CRIM1: variants seen among roughly 807,000 people sequenced by gnomAD.
CRIM1 encodes cysteine-rich motor neuron 1 protein.
CRIM1 carries 32 observed loss-of-function variants against 116.4 expected under a neutral mutation model. The observed-to-expected ratio is 0.27, with a 90% CI of 0.21 to 0.37. The LOEUF (loss-of-function observed/expected upper bound fraction) is 0.37, where lower values mean the gene tolerates loss of function less well. CRIM1 is among the 10% of genes least tolerant of loss of function. CRIM1 has a pLI of 1.00. For synonymous variants in CRIM1, 590 were observed against 509.2 expected, an observed-to-expected ratio of 1.16 and a Z score of -2.13; for missense variants, 1,331 against 1,354.8, an observed-to-expected ratio of 0.98 and a Z score of 0.28.
chr2:36,453,939 C>T (rs926461159), intron 4 of CRIM1, among the ~76,000 whole-genome samples: 9 of 152,186 alleles, frequency 5.9e-5, no homozygotes, highest in African/African-American at 2.2e-4. Context: ...CAGCTTAAAA[C>T]ATTAACACTA....
chr2:36,379,747 T>C (rs1670591773), intron 1 of CRIM1, among the ~76,000 whole-genome samples: 1 of 148,420 alleles, frequency 6.7e-6, no homozygotes, highest in African/African-American at 2.5e-5. Flanking sequence ...TCTCTCTTTT[T>C]TTTTTTTTTT....
chr2:36,522,166 T>G lies in CRIM1; in HGVS notation c.2281T>G (p.Phe761Val), dbSNP rs1226328864. ...NYCKNDEGDI[F>V]LAAESWKPDV... ...CTGCAAAAATGATGAAGGGGATATA[T>G]TCCTGGCAGCTGAGTCCTGGAAGCC... is the stretch of plus-strand genomic sequence containing the variant. The change falls in exon 13 of 17, where the codon TTC (phenylalanine) becomes GTC (valine). Residue 761 changes from phenylalanine (F) to valine (V), a missense_variant. By Grantham distance (50) the Phe-to-Val change is conservative. Around this residue, in one of 3 missense-constraint regions of CRIM1, gnomAD observed 358 missense variants for 436.1 expected, o/e 0.82. Coordinates refer to ENST00000280527, the MANE Select transcript of CRIM1 (RefSeq NM_016441.3). 6.2e-7 allele frequency: 1 copy of G among 1,614,096 alleles called. No homozygotes were observed. Among genetic ancestry groups the G allele is most frequent in the East Asian group, 2.2e-5 (1 of 44,890 alleles).
chr2:36,547,995 C>T (rs888622953), intron 16 of CRIM1, among the ~76,000 whole-genome samples: 10 of 152,160 alleles, frequency 6.6e-5, no homozygotes, highest in African/African-American at 2.4e-4. Context: ...ATCCTGCCTC[C>T]GATTTTTCTT....
At chr2:36,499,424 C>G in intron 8 of CRIM1, 77 bp downstream of exon 8, 1 of 1,434,612 alleles carries the variant, frequency 7.0e-7, no homozygotes, top group Non-Finnish European at 9.6e-7. Context: ...AATTGAATAT[C>G]TTTTTCACTT....
At chr2:36,369,762 G>C (rs1281962849) in intron 1 of CRIM1, among the ~76,000 whole-genome samples, 1 of 152,210 alleles carries the variant, frequency 6.6e-6, no homozygotes, top group East Asian at 1.9e-4. Flanking sequence ...GATGTACTCA[G>C]GGTAGTGAAC....
chr2:36,449,619 A>C (rs1358193616), intron 4 of CRIM1, among the ~76,000 whole-genome samples: 1 of 152,130 alleles, frequency 6.6e-6, no homozygotes, highest in African/African-American at 2.4e-5. Context: ...AAAGGAGGGG[A>C]GGAAGGATTT....
chr2:36,500,618 A>G (rs7587212), intron 8 of CRIM1, among the ~76,000 whole-genome samples: 8,336 of 152,244 alleles, frequency 0.055, 738 homozygotes, highest in African/African-American at 0.19. Flanking sequence ...TTTGAATCTC[A>G]ATAATGTGAT....
chr2:36,389,303 A>C (rs1011523477), intron 1 of CRIM1, among the ~76,000 whole-genome samples: 3 of 152,132 alleles, frequency 2.0e-5, no homozygotes, highest in African/African-American at 7.3e-5. Flanking sequence ...CTCCTCGAGC[A>C]GAACGGAATG....
intron 1 of CRIM1, among the ~76,000 whole-genome samples, 166 bp from the exon 2 acceptor site, chr2:36,396,448 A>G (rs1050143400): frequency 6.6e-5 from 10 of 152,172 alleles, no homozygotes; most frequent in Admixed American, 3.9e-4. Context: ...GTTATTATGA[A>G]GAGATTGGGT....
At chr2:36,443,546 C>G (rs1676018365) in intron 4 of CRIM1, among the ~76,000 whole-genome samples, 1 of 152,172 alleles carries the variant, frequency 6.6e-6, no homozygotes, top group Non-Finnish European at 1.5e-5. Context: ...TCATGTTTTT[C>G]AGCTTTCGTT....
chr2:36,382,665 G>C (rs1023085799), intron 1 of CRIM1, among the ~76,000 whole-genome samples: 1 of 152,268 alleles, frequency 6.6e-6, no homozygotes, highest in Admixed American at 6.5e-5. Context: ...GTGAGGTCCA[G>C]TGTGATGCTC....
rs201258494 is a variant in CRIM1, at chr2:36,356,199, T to TGCG, written c.-81_-79dup. ...GGCGGTGAGGACCGCGGGCTGCTGG[T>TGCG]GCGGCGGCGGCGGCGCGTGTGCCCC... is the stretch of plus-strand genomic sequence containing the variant. On this transcript the variant is annotated 5_prime_UTR_variant, in exon 1 of 17. Coordinates refer to ENST00000280527, the MANE Select transcript of CRIM1 (RefSeq NM_016441.3). The surrounding 1 kb of genome is among the most constrained non-coding windows in gnomAD (Gnocchi z 4.3). 0.18 allele frequency: 84,481 copies of TGCG among 457,072 alleles called. 8,663 individuals carry two copies. Among genetic ancestry groups the TGCG allele is most frequent in the East Asian group, 0.33 (6,173 of 18,950 alleles). 28.3% of individuals were successfully genotyped at this position (457,072 alleles called of 1,614,324 possible).
chr2:36,410,998 G>C (rs549285144), intron 2 of CRIM1, among the ~76,000 whole-genome samples: 23 of 152,272 alleles, frequency 1.5e-4, no homozygotes, highest in Non-Finnish European at 2.6e-4. Flanking sequence ...ATTCTCAGTC[G>C]TGTCTGACGC....
chr2:36,532,803 C>T (rs1470653369), intron 13 of CRIM1, among the ~76,000 whole-genome samples: 1 of 152,132 alleles, frequency 6.6e-6, no homozygotes, highest in African/African-American at 2.4e-5. Context: ...GAAACAATAC[C>T]CTGACCCATT....
At chr2:36,545,687 A>T (rs1381309382) in intron 15 of CRIM1, among the ~76,000 whole-genome samples, 1 of 152,164 alleles carries the variant, frequency 6.6e-6, no homozygotes, top group Non-Finnish European at 1.5e-5. Flanking sequence ...CAGAAACAGA[A>T]CTGGAAGACT....
At chr2:36,447,695 C>A (rs546228583) in intron 4 of CRIM1, among the ~76,000 whole-genome samples, 1 of 152,160 alleles carries the variant, frequency 6.6e-6, no homozygotes, top group Non-Finnish European at 1.5e-5. Flanking sequence ...AGCCCTCATT[C>A]AAAGGTTTGG....
rs766676698 is a variant in CRIM1 at position 36,441,395 on chromosome 2, G to A, written c.643G>A (p.Ala215Thr). The A allele has an allele frequency of 8.1e-6, 13 of 1,614,146 alleles. No individual in the cohort carries two copies. Among genetic ancestry groups the A allele is most frequent in the South Asian group, 7.7e-5 (7 of 91,084 alleles). ...PLPSRCVCNP[A>T]GCLRKVCQPG... ...ACCCAGCCGCTGCGTGTGCAACCCC[G>A]CAGGCTGTCTGCGCAAAGTCTGCCA... is the stretch of plus-strand genomic sequence containing the variant. The change falls in exon 3 of 17, where the codon GCA (alanine) becomes ACA (threonine). Residue 215 changes from alanine (A) to threonine (T), a missense_variant. By Grantham distance (58) the Ala-to-Thr change is moderately conservative (BLOSUM62 0). Coordinates refer to ENST00000280527, the MANE Select transcript of CRIM1 (RefSeq NM_016441.3).
intron 7 of CRIM1, among the ~76,000 whole-genome samples, chr2:36,482,606 A>G (rs189193927): frequency 1.1e-4 from 16 of 152,366 alleles, no homozygotes; most frequent in African/African-American, 2.6e-4. Flanking sequence ...TTAATGTGCA[A>G]TAAATAAGCA....
chr2:36,438,752 G>C (rs1675543016), intron 2 of CRIM1, among the ~76,000 whole-genome samples: 1 of 152,176 alleles, frequency 6.6e-6, no homozygotes. Flanking sequence ...AGAGAAATCA[G>C]CTGATGACTC....
Sources: allele counts gnomAD v4.1 joint callset (sites outside exome capture counted in the v4.1 genomes callset), GRCh38; gene constraint gnomAD v4.1.1; regional missense constraint gnomAD v4.1.1; non-coding constraint Gnocchi (gnomAD v3.1); transcripts MANE v1.5; gene names NCBI Gene and HGNC (gene_info 2026-07-23, HGNC 2026-07-21).